The following MUC5B variants were observed in gnomAD, a reference collection of about 807,000 sequenced individuals.
MUC5B encodes mucin-5B.
Under a neutral mutation model 376.9 loss-of-function variants are expected in MUC5B, and 116 were observed. The ratio of observed to expected loss-of-function variants is 0.31; its 90% CI spans 0.26 to 0.36. MUC5B has a LOEUF of 0.36. Among genes scored for constraint, MUC5B ranks in the 10% least tolerant of loss-of-function variants. MUC5B has a pLI of 1.00. For missense variants in MUC5B, 7,165 were observed against 7,769.9 expected (o/e 0.92, Z 2.93); for synonymous variants, 3,517 against 3,390.9 (o/e 1.04, Z -1.29).
Position 1,246,911 on chromosome 11 carries a change from G to A in MUC5B, c.10031G>A (p.Gly3344Asp), listed in dbSNP as rs1564944698. ...ISTTTTPTTR[G>D]STVTPSSIPG... ...ACAACCACCACACCCACAACCAGAG[G>A]CTCCACGGTGACCCCCTCCTCCATC... is the stretch of plus-strand genomic sequence containing the variant. The change falls in exon 31 of 49, where the codon GGC (glycine) becomes GAC (aspartate). Residue 3344 changes from glycine (G) to aspartate (D), a missense_variant. By Grantham distance (94) the Gly-to-Asp change is moderately conservative (BLOSUM62 -1). Transcript: ENST00000529681. 6.8e-6 allele frequency: 11 copies of A among 1,610,638 alleles called. No individual in the cohort carries two copies. Among genetic ancestry groups the A allele is most frequent in the Admixed American group, 1.7e-5 (1 of 59,902 alleles).
chr11:1,256,983 T>A (rs1311627314), intron 39 of MUC5B, among the ~76,000 whole-genome samples: 1 of 152,130 alleles, frequency 6.6e-6, no homozygotes, highest in Non-Finnish European at 1.5e-5. Context: ...AGGGAGGCTC[T>A]GTCCTTGAGT....
In MUC5B at chr11:1,257,833, G is replaced by T. The variant is rs144984348; in HGVS notation, c.16450+123G>T. ...AGAGCCACTGTGTCCTGGCGTGACCGCGGCAGGACCACTCGGCAGAGATGG... is the reference window on the plus strand; with the variant it reads ...AGAGCCACTGTGTCCTGGCGTGACCTCGGCAGGACCACTCGGCAGAGATGG... On this transcript the variant is annotated intron_variant, in intron 41 of 48. Coordinates refer to ENST00000529681, the MANE Select transcript of MUC5B (RefSeq NM_002458.3). The surrounding 1 kb of genome is among the most constrained non-coding windows in gnomAD (Gnocchi z 8.9). 2.4e-5 allele frequency: 29 copies of T among 1,186,202 alleles called. No individual in the cohort carries two copies. The African/African-American group carries it at 4.0e-4, about 16-fold the overall frequency. 73.5% of individuals were successfully genotyped at this position (1,186,202 alleles called of 1,614,324 possible).
Position 1,253,111 on chromosome 11 carries a change from C to A in MUC5B, c.15217+131C>A. ...TGGGGAATGGTGGGGCATGGTGGGG[C>A]ATGGTGGGGTGCAGTGGGGCATGGT... On this transcript the variant is annotated intron_variant, in intron 33 of 48. Coordinates refer to ENST00000529681, the MANE Select transcript of MUC5B (RefSeq NM_002458.3). This position sits in a 1 kb window ranked among gnomAD's most constrained non-coding sequence, Gnocchi z 4.3. 20 of 650,422 alleles carry A rather than the reference C, an allele frequency of 3.1e-5. No homozygotes were observed. The highest frequency in any genetic ancestry group is 4.3e-5 in the Non-Finnish European group (18 of 418,502). 40.3% of individuals were successfully genotyped at this position (650,422 alleles called of 1,614,324 possible).
chr11:1,230,460 C>A, intron 11 of MUC5B, 30 bp from the exon 12 acceptor site: 1 of 1,552,020 alleles, frequency 6.4e-7, no homozygotes, highest in East Asian at 2.4e-5. Flanking sequence ...TCGAGCCAGG[C>A]CCAATGCACG....
rs745430122 is a variant in MUC5B, at chr11:1,243,007, C to G, written c.6127C>G (p.Pro2043Ala). Reference sequence around the variant, plus strand: ...CTCTGTGGCCACCCCCTCCTCCACCCCAGGAACAGCTCACACTACCAAAGT... The same window carrying G: ...CTCTGTGGCCACCCCCTCCTCCACCGCAGGAACAGCTCACACTACCAAAGT... ...TGSVATPSSTPGTAHTTKVPT... is the reference protein window; with the variant it reads ...TGSVATPSSTAGTAHTTKVPT... Residue 2043 changes from proline (P) to alanine (A), a missense_variant, in exon 31 of 49, where the codon CCA (proline) becomes GCA (alanine). Physicochemically the swap from Pro to Ala is conservative, Grantham distance 27. Around this residue, in one of 31 missense-constraint regions of MUC5B, gnomAD observed 897 missense variants for 779.6 expected, o/e 1.15. Transcript: ENST00000529681. The G allele has an allele frequency of 6.2e-7, 1 of 1,613,140 alleles. No individual in the cohort carries two copies.
At chr11:1,255,329 G>T in intron 36 of MUC5B, 54 bp from the exon 37 acceptor site, 9 of 1,373,644 alleles carry the variant, frequency 6.6e-6, no homozygotes, top group South Asian at 2.7e-5. Flanking sequence ...ATGCACGCAC[G>T]CACGCAGCTC....
In MUC5B at chr11:1,234,151, T is replaced by G; in HGVS notation, c.2378-54T>G. Reference sequence around the variant, plus strand: ...AGGCTCAGGGCTGCCTGGGGTCAGTTGAGGGCCGTGGCTGCCCTTCCCCAG... The same window carrying G: ...AGGCTCAGGGCTGCCTGGGGTCAGTGGAGGGCCGTGGCTGCCCTTCCCCAG... On this transcript the variant is annotated intron_variant, in intron 19 of 48. Coordinates refer to ENST00000529681, the MANE Select transcript of MUC5B (RefSeq NM_002458.3). This position sits in a 1 kb window ranked among gnomAD's most constrained non-coding sequence, Gnocchi z 6.3. 1 of 1,432,830 alleles carries G rather than the reference T, an allele frequency of 7.0e-7. No individual in the cohort carries two copies. The highest frequency in any genetic ancestry group is 9.6e-7 in the Non-Finnish European group (1 of 1,039,686). 88.8% of individuals were successfully genotyped at this position (1,432,830 alleles called of 1,614,324 possible). A position where few individuals can be genotyped will look rare whatever the true frequency, so the allele number is the denominator to read the frequency against.
chr11:1,261,490 C>A lies in MUC5B; in HGVS notation c.17171C>A (p.Ala5724Asp). The change falls in exon 49 of 49, where the codon GCC (alanine) becomes GAC (aspartate). Residue 5724 changes from alanine to aspartate, a missense_variant. By Grantham distance (126) the Ala-to-Asp change is moderately radical (BLOSUM62 -2). Coordinates refer to ENST00000529681, the MANE Select transcript of MUC5B (RefSeq NM_002458.3). ...TVPLHCPNGSAILHTYTHVDE... is the reference protein window; with the variant it reads ...TVPLHCPNGSDILHTYTHVDE... ...CCCTTGCACTGTCCTAACGGCTCAGCCATCCTGCACACCTACACCCACGTG... is the reference window on the plus strand; with the variant it reads ...CCCTTGCACTGTCCTAACGGCTCAGACATCCTGCACACCTACACCCACGTG... The A allele has an allele frequency of 2.5e-6, 4 of 1,589,114 alleles. No individual in the cohort carries two copies. Among genetic ancestry groups the A allele is most frequent in the African/African-American group, 1.3e-5 (1 of 74,488 alleles).
chr11:1,249,429 C>T lies in MUC5B; in HGVS notation c.12549C>T (p.Pro4183=), dbSNP rs1330994607. The part of the protein sequence containing the change: ...ECRAQAQPGV[P]LGELGQVVEC... ...GTGCCCAGGCCCAGCCTGGTGTCCC[C>T]CTGGGGGAGTTGGGCCAGGTCGTGG... The change falls in exon 31 of 49, where the codon CCC becomes CCT. Residue 4183 remains proline, a synonymous_variant. Transcript: ENST00000529681. 3 of 1,611,476 alleles carry T rather than the reference C, an allele frequency of 1.9e-6. No individual in the cohort carries two copies. The highest frequency in any genetic ancestry group is 1.7e-6 in the Non-Finnish European group (2 of 1,179,636).
rs1862881489 is a variant in MUC5B, at chr11:1,257,794, CAGGAGAGCAG to C, written c.16450+93_16450+102del. 5 of 1,445,624 alleles carry C rather than the reference CAGGAGAGCAG, an allele frequency of 3.5e-6. No individual in the cohort carries two copies. The highest frequency in any genetic ancestry group is 2.8e-5 in the African/African-American group (2 of 71,048). The allele number at this position is 1,445,624 out of a possible 1,614,324, so 89.5% of individuals were successfully genotyped here. ...CCACCAGGGGCCTGTGGGTTGGGCA[CAGGAGAGCAG>C]AGGAGAGCCACTGTGTCCTGGCGTG... On this transcript the variant is annotated intron_variant, in intron 41 of 48. Coordinates refer to ENST00000529681, the MANE Select transcript of MUC5B (RefSeq NM_002458.3). The surrounding 1 kb of genome is among the most constrained non-coding windows in gnomAD (Gnocchi z 8.9).
In MUC5B at chr11:1,233,878, T is replaced by C. The variant is rs114904991; in HGVS notation, c.2377+30T>C. 3.1e-4 allele frequency: 284 copies of C among 907,422 alleles called. 6 individuals are homozygous for C. Among genetic ancestry groups the C allele is most frequent in the East Asian group, 8.6e-4 (23 of 26,592 alleles). 56.2% of individuals were successfully genotyped at this position (907,422 alleles called of 1,614,324 possible). A position where few individuals can be genotyped will look rare whatever the true frequency, so the allele number is the denominator to read the frequency against. On this transcript the variant is annotated intron_variant, in intron 19 of 48. Coordinates refer to ENST00000529681, the MANE Select transcript of MUC5B (RefSeq NM_002458.3). ...GTGCCACCCCTGCCCTGCCCTGCCCTGCCCCGCCCCGCATCACCCCGCCTG... is the reference window on the plus strand; with the variant it reads ...GTGCCACCCCTGCCCTGCCCTGCCCCGCCCCGCCCCGCATCACCCCGCCTG...
Position 1,258,230 on chromosome 11 carries a change from G to A in MUC5B, c.16555+27G>A, listed in dbSNP as rs1862896479. On this transcript the variant is annotated intron_variant, in intron 42 of 48. Transcript: ENST00000529681. The surrounding 1 kb of genome is among the most constrained non-coding windows in gnomAD (Gnocchi z 5.5). ...TGAGCGGGGCTGGGGCCGGGCTCCT[G>A]GGTGGCCTCTTGCTGGGGGTGGGGG... 1 of 1,573,318 alleles carries A rather than the reference G, an allele frequency of 6.4e-7. No homozygotes were observed. The highest frequency in any genetic ancestry group is 1.3e-5 in the African/African-American group (1 of 74,180).
At position 1,239,792 on chromosome 11, in the gene MUC5B, G is replaced by GC; in HGVS notation, c.3584-4dup. The stretch of plus-strand genomic sequence containing the variant: ...GGTGAGTCTTCTGCTCACCCTGCCG[G>GC]CCCTAGGCTGCTACCCGAAGTGCCC... On this transcript the variant is annotated splice_region_variant and splice_polypyrimidine_tract_variant and intron_variant, in intron 27 of 48. Coordinates refer to ENST00000529681, the MANE Select transcript of MUC5B (RefSeq NM_002458.3). The GC allele has an allele frequency of 6.2e-7, 1 of 1,608,074 alleles. No individual in the cohort carries two copies. Among genetic ancestry groups the GC allele is most frequent in the East Asian group, 2.2e-5 (1 of 44,632 alleles).
In MUC5B at chr11:1,254,018, G is replaced by A. The variant is rs554603568; in HGVS notation, c.15218-74G>A. 3.1e-5 allele frequency: 48 copies of A among 1,539,426 alleles called. No homozygotes were observed. In the African/African-American group the frequency reaches 4.6e-4, roughly 15 times the overall value. ...CCAAGGCGGCAGTCACAGTGGTGAC[G>A]CTGGCTGCCATGACGCCTGGGGAGC... On this transcript the variant is annotated intron_variant, in intron 33 of 48. Transcript: ENST00000529681.
chr11:1,255,150 T>C lies in MUC5B; in HGVS notation c.15774T>C (p.Asp5258=). 1 of 1,569,632 alleles carries C rather than the reference T, an allele frequency of 6.4e-7. No individual in the cohort carries two copies. The highest frequency in any genetic ancestry group is 8.6e-7 in the Non-Finnish European group (1 of 1,158,772). Residue 5258 remains aspartate, a synonymous_variant, in exon 36 of 49, where the codon GAT becomes GAC. Transcript: ENST00000529681. The stretch of plus-strand genomic sequence containing the variant: ...GGCTGGTCCCCGACAGCAGAAAGGA[T>C]GGCTGCTGGGCCCCGACTGGCACAC... ...KTWLVPDSRK[D]GCWAPTGTPP...
rs776602863 is a variant in MUC5B at position 1,251,495 on chromosome 11, G to A, written c.14615G>A (p.Gly4872Glu). 6.2e-7 allele frequency: 1 copy of A among 1,613,264 alleles called. No individual in the cohort carries two copies. Among genetic ancestry groups the A allele is most frequent in the East Asian group, 2.2e-5 (1 of 44,882 alleles). ...GSTATASSTL[G>E]TAHTPKVVTT... ...ACGGCCACCGCCTCCTCCACTCTGGGAACAGCTCACACCCCCAAAGTGGTG... is the reference window on the plus strand; with the variant it reads ...ACGGCCACCGCCTCCTCCACTCTGGAAACAGCTCACACCCCCAAAGTGGTG... Residue 4872 changes from glycine (G) to glutamate (E), a missense_variant, in exon 31 of 49, where the codon GGA becomes GAA. Gly to Glu is a moderately conservative substitution (Grantham distance 98). Transcript: ENST00000529681.
At chr11:1,231,703 C>A in intron 14 of MUC5B, 143 bp downstream of exon 14, 1 of 1,127,512 alleles carries the variant, frequency 8.9e-7, no homozygotes, top group Non-Finnish European at 1.2e-6. Context: ...ATCCTGGTGC[C>A]AGCGCAGGAC....
At position 1,261,761 on chromosome 11, in the gene MUC5B, C is replaced by A; in HGVS notation, c.*153C>A. ...CCTGCTGCCCACCCCGTGGGTGAAACCGGCCCCAGAAGGGTGAGGGGCCAG... is the reference window on the plus strand; with the variant it reads ...CCTGCTGCCCACCCCGTGGGTGAAAACGGCCCCAGAAGGGTGAGGGGCCAG... On this transcript the variant is annotated 3_prime_UTR_variant, in exon 49 of 49. Transcript: ENST00000529681. The A allele has an allele frequency of 1.2e-6, 1 of 803,738 alleles. No individual in the cohort carries two copies. Among genetic ancestry groups the A allele is most frequent in the Non-Finnish European group, 2.1e-6 (1 of 478,776 alleles). 49.8% of individuals were successfully genotyped at this position (803,738 alleles called of 1,614,324 possible). A position where few individuals can be genotyped will look rare whatever the true frequency, so the allele number is the denominator to read the frequency against.
Position 1,246,189 on chromosome 11 carries a change from C to A in MUC5B, c.9309C>A (p.Thr3103=), listed in dbSNP as rs753209386. 1.2e-6 allele frequency: 2 copies of A among 1,613,102 alleles called. No homozygotes were observed. Among genetic ancestry groups the A allele is most frequent in the Non-Finnish European group, 1.7e-6 (2 of 1,179,670 alleles). ...TIHPSSTPET[T]HTSTVLTTKA... The stretch of plus-strand genomic sequence containing the variant: ...ACCCCTCCTCCACTCCGGAGACCAC[C>A]CACACCTCCACAGTGCTGACCACGA... Residue 3103 remains threonine (T), a synonymous_variant, in exon 31 of 49, where the codon ACC becomes ACA. Transcript: ENST00000529681.
Sources: gnomAD v4.1 joint callset for allele counts (sites outside exome capture counted in the v4.1 genomes callset) on GRCh38, gnomAD v4.1.1 for gene constraint, gnomAD v4.1.1 regional missense constraint, Gnocchi (gnomAD v3.1) non-coding constraint, MANE v1.5 for transcripts, NCBI Gene and HGNC (gene_info 2026-07-23, HGNC 2026-07-21) for gene names.